MIB1: variants seen among roughly 807,000 people sequenced by gnomAD.
The protein encoded by MIB1 is MIB E3 ubiquitin protein ligase 1, also known as E3 ubiquitin-protein ligase MIB1.
Under a neutral mutation model 124.5 loss-of-function variants are expected in MIB1, and 278 were observed. The observed-to-expected ratio is 2.23, with a 90% CI of 2.02 to 2.47. The LOEUF is 2.47. Ranked by LOEUF, MIB1 falls within the 30% of genes most tolerant of loss-of-function variation. The pLI, the probability that MIB1 is intolerant of heterozygous loss-of-function variation, is 0.00. For missense variants in MIB1, 957 were observed against 1,254.4 expected (o/e 0.76, Z 3.58); for synonymous variants, 446 against 429.4 (o/e 1.04, Z -0.48).
At chr18:21,800,710 T>A (rs2041641313) in intron 9 of MIB1, among the ~76,000 whole-genome samples, 1 of 152,132 alleles carries the variant, frequency 6.6e-6, no homozygotes, top group Non-Finnish European at 1.5e-5. Context: ...TGTTTGTTTT[T>A]AAGTATGCTA....
At chr18:21,813,806 C>T (rs554719339) in intron 10 of MIB1, among the ~76,000 whole-genome samples, 87 of 152,208 alleles carry the variant, frequency 5.7e-4, no homozygotes, top group Non-Finnish European at 9.1e-4. Flanking sequence ...ACTAGGGAGT[C>T]CACCAGGGGC....
At chr18:21,863,687 G>A (rs975277414) in intron 20 of MIB1, among the ~76,000 whole-genome samples, 4 of 152,008 alleles carry the variant, frequency 2.6e-5, no homozygotes. Flanking sequence ...GGCAACAATC[G>A]ATTGGTAAAA....
At chr18:21,793,597 G>A (rs986739261) in intron 7 of MIB1, among the ~76,000 whole-genome samples, 4 of 151,588 alleles carry the variant, frequency 2.6e-5, no homozygotes, top group African/African-American at 9.7e-5. Context: ...CCTGAACAAC[G>A]TGGTGAAACT....
At chr18:21,860,906 A>G (rs2042270912) in intron 20 of MIB1, among the ~76,000 whole-genome samples, 1 of 152,130 alleles carries the variant, frequency 6.6e-6, no homozygotes, top group Non-Finnish European at 1.5e-5. Context: ...GACTGTTATG[A>G]CACATGCCTG....
rs770276601 is a variant in MIB1 at position 21,791,434 on chromosome 18, T to C, written c.969T>C (p.Ala323=). The change falls in exon 7 of 21, where the codon GCT becomes GCC. Residue 323 remains alanine, a synonymous_variant. Coordinates refer to ENST00000261537, the MANE Select transcript of MIB1 (RefSeq NM_020774.4). The part of the protein sequence containing the change: ...KANIVRSGDA[A]QGAEGGTSQF... ...ACATTGTCCGAAGTGGAGATGCTGC[T>C]CAGGGTGCAGAAGGAGGCACCTCGC... is the stretch of plus-strand genomic sequence containing the variant. 29 of 1,613,892 alleles carry C rather than the reference T, an allele frequency of 1.8e-5. No individual in the cohort carries two copies. The South Asian group carries it at 3.2e-4, about 18-fold the overall frequency.
At chr18:21,774,024 G>A (rs2041252822) in intron 4 of MIB1, among the ~76,000 whole-genome samples, 1 of 152,134 alleles carries the variant, frequency 6.6e-6, no homozygotes, top group African/African-American at 2.4e-5. Context: ...CCTTGACGTG[G>A]ATGGACCTGG....
chr18:21,744,045 A>G (rs182346477), intron 1 of MIB1, among the ~76,000 whole-genome samples: 2 of 149,666 alleles, frequency 1.3e-5, no homozygotes, highest in Admixed American at 1.3e-4. Flanking sequence ...CAACCTTCAT[A>G]TGAAATACTT....
chr18:21,846,796 G>T, intron 15 of MIB1, 148 bp from the exon 16 acceptor site: 1 of 698,728 alleles, frequency 1.4e-6, no homozygotes. Flanking sequence ...TTGTGTGTAT[G>T]CTTGAGAAAA....
chr18:21,855,936 A>G (rs921017259), intron 18 of MIB1, among the ~76,000 whole-genome samples: 3 of 152,262 alleles, frequency 2.0e-5, no homozygotes, highest in African/African-American at 7.2e-5. Context: ...GGTAGTATTA[A>G]CAATCATAAC....
At chr18:21,735,401 C>T (rs576502157) in intron 1 of MIB1, among the ~76,000 whole-genome samples, 14 of 152,264 alleles carry the variant, frequency 9.2e-5, no homozygotes, top group African/African-American at 2.4e-4. Flanking sequence ...CCGGTGCCTA[C>T]GCCACCAGGG....
intron 4 of MIB1, 146 bp from the exon 5 acceptor site, chr18:21,777,957 G>T: frequency 1.8e-6 from 1 of 569,300 alleles, no homozygotes; most frequent in Non-Finnish European, 3.1e-6. Context: ...AAGTACTTTT[G>T]AAAGCAGTGT....
chr18:21,862,040 T>C (rs2042281173), intron 20 of MIB1, among the ~76,000 whole-genome samples: 1 of 152,166 alleles, frequency 6.6e-6, no homozygotes, highest in Non-Finnish European at 1.5e-5. Context: ...TTGCTGGGAC[T>C]ACAGGCATGT....
At chr18:21,816,494 T>C (rs912977745) in intron 11 of MIB1, among the ~76,000 whole-genome samples, 57 of 152,230 alleles carry the variant, frequency 3.7e-4, no homozygotes, top group African/African-American at 1.3e-3. Context: ...TGCCAACTTT[T>C]AGGTTCCTTA....
intron 10 of MIB1, among the ~76,000 whole-genome samples, chr18:21,815,076 T>C (rs112987577): frequency 7.2e-6 from 1 of 139,180 alleles, no homozygotes; most frequent in Non-Finnish European, 1.5e-5. Flanking sequence ...TATAAATGTA[T>C]ATATATAAAT....
chr18:21,770,024 T>C (rs2041207484), intron 3 of MIB1, among the ~76,000 whole-genome samples: 1 of 152,102 alleles, frequency 6.6e-6, no homozygotes, highest in South Asian at 2.1e-4. Context: ...GCCAACATGG[T>C]GAGACCCTGT....
intron 3 of MIB1, 84 bp from the exon 4 acceptor site, chr18:21,773,540 T>G: frequency 1.2e-6 from 1 of 865,368 alleles, no homozygotes; most frequent in Non-Finnish European, 1.8e-6. Context: ...GAAATGATTT[T>G]TAAGATTTAA....
At chr18:21,772,359 C>G (rs1020113524) in intron 3 of MIB1, among the ~76,000 whole-genome samples, 2 of 152,112 alleles carry the variant, frequency 1.3e-5, no homozygotes, top group Admixed American at 6.5e-5. Context: ...TTGCTGTAGT[C>G]AGGTTTACTT....
intron 10 of MIB1, among the ~76,000 whole-genome samples, chr18:21,804,394 T>C (rs903872252): frequency 6.6e-6 from 1 of 152,274 alleles, no homozygotes; most frequent in South Asian, 2.1e-4. Context: ...TTTGTTGTTG[T>C]TTTGTCATAA....
At chr18:21,847,792 C>G (rs1217053874) in intron 16 of MIB1, among the ~76,000 whole-genome samples, 1 of 152,192 alleles carries the variant, frequency 6.6e-6, no homozygotes, top group Non-Finnish European at 1.5e-5. Context: ...GGAGTTTTCT[C>G]TAAAGATGAT....
Sources: allele counts gnomAD v4.1 joint callset (sites outside exome capture counted in the v4.1 genomes callset), GRCh38; gene constraint gnomAD v4.1.1; transcripts MANE v1.5; gene names NCBI Gene and HGNC (gene_info 2026-07-23, HGNC 2026-07-21).